ADGRE1: variants seen among roughly 807,000 people sequenced by gnomAD.
ADGRE1 encodes adhesion G protein-coupled receptor E1, also known as EGF-like module receptor 1.
A neutral mutation model predicts 102.7 loss-of-function variants in ADGRE1; 82 were observed. The observed-to-expected ratio is 0.80, with a 90% confidence interval of 0.67 to 0.96. The LOEUF is 0.96. ADGRE1 is among the 40% of genes least tolerant of loss of function. The pLI is 0.00. For missense variants in ADGRE1, 1,032 were observed against 1,085.3 expected, an observed-to-expected ratio of 0.95 and a Z score of 0.69; for synonymous variants, 398 against 399.6, an observed-to-expected ratio of 1.00 and a Z score of 0.05.
In ADGRE1 at chr19:6,914,997, G is replaced by T. The variant is rs534672596; in HGVS notation, c.1300+1167G>T. Among the ~76,000 whole-genome samples the T allele has an allele frequency of 1.2e-4, 12 of 101,352 alleles. No individual in the cohort carries two copies. The Admixed American group carries it at 1.4e-3, about 12-fold the overall frequency. 66.5% of individuals were successfully genotyped at this position (101,352 alleles called of 152,430 possible). A position where few individuals can be genotyped will look rare whatever the true frequency, so the allele number is the denominator to read the frequency against. ...AAGGGAGATGGAAATGTAGATAAAT[G>T]TAGGGAGTTAAGGTTTTTTTTTTCT... On this transcript the variant is annotated intron_variant, in intron 11 of 20. Transcript: ENST00000312053.
chr19:6,898,200 A>C (rs1973637983), intron 5 of ADGRE1: 11 of 948,994 alleles, frequency 1.2e-5, no homozygotes, highest in East Asian at 2.7e-5. Flanking sequence ...AGAAGTACCA[A>C]AGTGAAGCGC....
chr19:6,924,273 G>A (rs2144992212), intron 14 of ADGRE1, among the ~76,000 whole-genome samples: 1 of 152,158 alleles, frequency 6.6e-6, no homozygotes, highest in Admixed American at 6.5e-5. Context: ...CCATGAAATT[G>A]GGGACTGGAC....
intron 9 of ADGRE1, among the ~76,000 whole-genome samples, chr19:6,906,991 T>G (rs930849839): frequency 1.3e-5 from 2 of 152,058 alleles, no homozygotes; most frequent in African/African-American, 4.8e-5. Flanking sequence ...TATATTGGAG[T>G]CTTCCTGCCA....
chr19:6,890,852 A>T (rs1163859571), intron 2 of ADGRE1, among the ~76,000 whole-genome samples: 2 of 152,230 alleles, frequency 1.3e-5, no homozygotes, highest in East Asian at 1.9e-4. Flanking sequence ...ACCACCTGGT[A>T]TGTAGTATGA....
chr19:6,900,080 C>T (rs369439428), intron 5 of ADGRE1, among the ~76,000 whole-genome samples: 3 of 143,874 alleles, frequency 2.1e-5, no homozygotes, highest in Non-Finnish European at 3.0e-5. Context: ...GGTGACAGAG[C>T]GAGACTCCAT....
intron 1 of ADGRE1, among the ~76,000 whole-genome samples, chr19:6,889,930 A>C (rs1973297335): frequency 6.6e-6 from 1 of 151,658 alleles, no homozygotes; most frequent in Non-Finnish European, 1.5e-5. Context: ...ATCAGCTAGA[A>C]CTTTTTTTTT....
At chr19:6,931,433 C>T (rs1272566972) in intron 17 of ADGRE1, among the ~76,000 whole-genome samples, 1 of 152,136 alleles carries the variant, frequency 6.6e-6, no homozygotes, top group Non-Finnish European at 1.5e-5. Flanking sequence ...AAGGTATTGG[C>T]AGGGCCACGC....
chr19:6,911,132 G>A (rs1182718211), intron 10 of ADGRE1, among the ~76,000 whole-genome samples: 1 of 152,128 alleles, frequency 6.6e-6, no homozygotes, highest in East Asian at 1.9e-4. Context: ...TGTCAGTGGG[G>A]AGGGGAGTCC....
In ADGRE1 at chr19:6,926,249, GA is replaced by G. The variant is rs1182802738; in HGVS notation, c.1987-116del. On this transcript the variant is annotated intron_variant, in intron 15 of 20. Transcript: ENST00000312053. The stretch of plus-strand genomic sequence containing the variant: ...TGCACCTCTCTATAAATGTTTGTGA[GA>G]TGAATGAGTGAGCTAGGTTTGGGGA... The G allele has an allele frequency of 2.8e-6, 3 of 1,078,062 alleles. No individual in the cohort carries two copies. The African/African-American group carries it at 4.7e-5, about 17-fold the overall frequency. 66.8% of individuals were successfully genotyped at this position (1,078,062 alleles called of 1,614,324 possible).
chr19:6,902,697 T>C (rs1252433917), intron 6 of ADGRE1, among the ~76,000 whole-genome samples: 3 of 152,126 alleles, frequency 2.0e-5, no homozygotes, highest in African/African-American at 7.2e-5. Context: ...TGCCTCGGCT[T>C]CTCAAAGCGT....
intron 1 of ADGRE1, among the ~76,000 whole-genome samples, chr19:6,888,002 CA>C (rs201716424): frequency 6.6e-6 from 1 of 152,206 alleles, no homozygotes; most frequent in East Asian, 1.9e-4. Context: ...GCCCACTTAG[CA>C]CTGCTGTAAC....
intron 5 of ADGRE1, chr19:6,898,270 A>T: frequency 6.4e-7 from 1 of 1,570,004 alleles, no homozygotes; most frequent in Non-Finnish European, 8.7e-7. Flanking sequence ...TCTTCTATCT[A>T]GTATAAGTGA....
intron 8 of ADGRE1, 106 bp downstream of exon 8, chr19:6,904,288 C>T: frequency 7.3e-7 from 1 of 1,368,046 alleles, no homozygotes; most frequent in Non-Finnish European, 9.9e-7. Flanking sequence ...GTTGCCTCAT[C>T]CACATATTCT....
At chr19:6,905,367 T>C (rs932966820) in intron 8 of ADGRE1, among the ~76,000 whole-genome samples, 6 of 150,744 alleles carry the variant, frequency 4.0e-5, no homozygotes, top group Non-Finnish European at 8.9e-5. Flanking sequence ...TTTCTTTTTT[T>C]TTTTTTATGG....
At chr19:6,901,841 T>G in intron 5 of ADGRE1, 34 bp from the exon 6 acceptor site, 3 of 1,610,706 alleles carry the variant, frequency 1.9e-6, no homozygotes, top group Non-Finnish European at 2.5e-6. Flanking sequence ...CTTTCTCATT[T>G]ACCTTGACCT....
At chr19:6,893,920 A>G (rs961652975) in intron 2 of ADGRE1, among the ~76,000 whole-genome samples, 2 of 152,190 alleles carry the variant, frequency 1.3e-5, no homozygotes, top group Non-Finnish European at 2.9e-5. Context: ...TTTTTCCTGT[A>G]TCTAGGGTCA....
chr19:6,916,181 G>A (rs1013633809), intron 11 of ADGRE1, 68 bp from the exon 12 acceptor site: 2 of 1,542,742 alleles, frequency 1.3e-6, no homozygotes, highest in African/African-American at 2.8e-5. Context: ...ACCTTTTTTT[G>A]GACAGAAACC....
chr19:6,934,685 C>A (rs1242259026), intron 17 of ADGRE1, among the ~76,000 whole-genome samples: 1 of 151,456 alleles, frequency 6.6e-6, no homozygotes, highest in African/African-American at 2.4e-5. Context: ...GCAACCTCTG[C>A]CTCCCAGGTT....
intron 17 of ADGRE1, among the ~76,000 whole-genome samples, chr19:6,932,244 G>A (rs1353771933): frequency 1.3e-5 from 2 of 151,966 alleles, no homozygotes; most frequent in Non-Finnish European, 2.9e-5. Flanking sequence ...TGAGGCAGGC[G>A]GATCACGAGG....
Sources: gnomAD v4.1 joint callset for allele counts (sites outside exome capture counted in the v4.1 genomes callset) on GRCh38, gnomAD v4.1.1 for gene constraint, MANE v1.5 for transcripts, NCBI Gene and HGNC (gene_info 2026-07-23, HGNC 2026-07-21) for gene names.